Variants in ADAM10 observed in about 807,000 individuals in gnomAD.
The protein encoded by ADAM10 is ADAM metallopeptidase domain 10.
Under a neutral mutation model 90.1 loss-of-function variants are expected in ADAM10, and 17 were observed. The observed-to-expected ratio is 0.19, with a 90% CI of 0.13 to 0.28. ADAM10 has a LOEUF of 0.28. Ranked by LOEUF, ADAM10 falls within the 10% of genes least tolerant of loss-of-function variation. ADAM10 has a pLI of 1.00. For synonymous variants in ADAM10, 310 were observed against 298.6 expected (o/e 1.04, Z -0.40); for missense variants, 610 against 914.3 (o/e 0.67, Z 4.29).
chr15:58,747,666 A>G (rs1200379479), intron 1 of ADAM10: 1 of 152,220 alleles, frequency 6.6e-6, no homozygotes, highest in Non-Finnish European at 1.5e-5. Context: ...ATGTTTTTTG[A>G]AAAAGTTCTG....
chr15:58,671,098 G>A (rs1285430891), intron 4 of ADAM10, among the ~76,000 whole-genome samples: 1 of 152,004 alleles, frequency 6.6e-6, no homozygotes, highest in African/African-American at 2.4e-5. Context: ...TCCCTACCAT[G>A]TACCAAGACC....
At chr15:58,698,420 A>AG in intron 2 of ADAM10, 1 of 337,658 alleles carries the variant, frequency 3.0e-6, no homozygotes, top group Non-Finnish European at 5.6e-6. Context: ...AAAAAAAAAA[A>AG]AAAAAATTAG....
chr15:58,622,890 A>C (rs1380180396), intron 10 of ADAM10, among the ~76,000 whole-genome samples: 2 of 152,236 alleles, frequency 1.3e-5, no homozygotes, highest in Admixed American at 6.5e-5. Flanking sequence ...ACTAACTTCC[A>C]AGGAGTCTGT....
At chr15:58,746,449 G>A (rs1326595072) in intron 1 of ADAM10, among the ~76,000 whole-genome samples, 1 of 152,180 alleles carries the variant, frequency 6.6e-6, no homozygotes, top group African/African-American at 2.4e-5. Flanking sequence ...CATTAATGTA[G>A]GCAATGGTAC....
At chr15:58,635,294 G>GA (rs1427176623) in intron 8 of ADAM10, among the ~76,000 whole-genome samples, 3 of 103,720 alleles carry the variant, frequency 2.9e-5, no homozygotes, top group African/African-American at 1.1e-4. Context: ...AAAAAAAAAA[G>GA]AAAGAAAGAA....
intron 14 of ADAM10, among the ~76,000 whole-genome samples, chr15:58,601,052 C>A (rs8027274): frequency 0.036 from 5,551 of 152,130 alleles, 120 homozygotes; most frequent in African/African-American, 0.066. Context: ...ATATCCCAAG[C>A]CACTTTTTCT....
At chr15:58,674,800 G>A (rs1320570937) in intron 4 of ADAM10, among the ~76,000 whole-genome samples, 1 of 152,150 alleles carries the variant, frequency 6.6e-6, no homozygotes, top group Non-Finnish European at 1.5e-5. Context: ...ACAAGAAATA[G>A]GAGGTCTTCC....
chr15:58,593,149 A>ATATTTTTTTTTTTT lies in ADAM10; in HGVS notation c.*4397_*4398insAAAAAAAAAAAATA, dbSNP rs1566960154. ...AAAGTAACAAAGGCCAGGTACTCAA[A>ATATTTTTTTTTTTT]TTTTTTTTTTTTTTTTTTTTTTTTT... On this transcript the variant is annotated 3_prime_UTR_variant, in exon 16 of 16. Transcript: ENST00000260408. 2.9e-5 allele frequency: 2 copies of ATATTTTTTTTTTTT among 68,402 alleles called. No individual in the cohort carries two copies. Among genetic ancestry groups the ATATTTTTTTTTTTT allele is most frequent in the Admixed American group, 2.1e-4 (1 of 4,714 alleles). The allele number at this position is 68,402 out of a possible 1,614,324, so 4.2% of individuals were successfully genotyped here. A position where few individuals can be genotyped will look rare whatever the true frequency, so the allele number is the denominator to read the frequency against.
chr15:58,734,800 G>A (rs1032066468), intron 1 of ADAM10, among the ~76,000 whole-genome samples: 1 of 151,770 alleles, frequency 6.6e-6, no homozygotes, highest in Non-Finnish European at 1.5e-5. Flanking sequence ...CTCTAAGATG[G>A]GGAAAACAAG....
At chr15:58,726,875 C>CGAAGGGGAGGGGAGA (rs1899048255) in intron 1 of ADAM10, among the ~76,000 whole-genome samples, 1 of 134,680 alleles carries the variant, frequency 7.4e-6, no homozygotes, top group Non-Finnish European at 1.6e-5. Context: ...TCTCCATCTC[C>CGAAGGGGAGGGGAGA]GAAGGGGAGG....
At chr15:58,731,074 C>T (rs1240746056) in intron 1 of ADAM10, among the ~76,000 whole-genome samples, 1 of 152,136 alleles carries the variant, frequency 6.6e-6, no homozygotes, top group Non-Finnish European at 1.5e-5. Context: ...TCTATCTGTA[C>T]ATATGTATAT....
At chr15:58,614,016 C>G (rs576173788) in intron 11 of ADAM10, among the ~76,000 whole-genome samples, 8 of 152,180 alleles carry the variant, frequency 5.3e-5, no homozygotes, top group African/African-American at 1.9e-4. Flanking sequence ...CACAGAAAAC[C>G]TTTGTTTTGG....
intron 8 of ADAM10, among the ~76,000 whole-genome samples, chr15:58,639,060 C>A (rs1896347801): frequency 6.6e-6 from 1 of 151,000 alleles, no homozygotes; most frequent in South Asian, 2.2e-4. Context: ...TAGTCTGTAA[C>A]TGAAAATGCA....
At chr15:58,692,415 ATTC>A in intron 2 of ADAM10, 1 of 563,702 alleles carries the variant, frequency 1.8e-6, no homozygotes, top group Non-Finnish European at 3.6e-6. Flanking sequence ...TCTTCTTATT[ATTC>A]TTATCAGTGT....
chr15:58,689,978 T>C (rs1379749479), intron 2 of ADAM10, among the ~76,000 whole-genome samples: 1 of 138,662 alleles, frequency 7.2e-6, no homozygotes, highest in Non-Finnish European at 1.5e-5. Flanking sequence ...AGACTGATAT[T>C]CCTTATGAAC....
intron 5 of ADAM10, among the ~76,000 whole-genome samples, chr15:58,663,681 T>C (rs1897018636): frequency 6.6e-6 from 1 of 152,120 alleles, no homozygotes; most frequent in African/African-American, 2.4e-5. Flanking sequence ...TATTTCCCAT[T>C]AATATGGTAT....
Position 58,633,226 on chromosome 15 carries a change from A to G in ADAM10, c.1146T>C (p.Ala382=), listed in dbSNP as rs1305952317. The G allele has an allele frequency of 6.2e-7, 1 of 1,613,526 alleles. No individual in the cohort carries two copies. The highest frequency in any genetic ancestry group is 8.5e-7 in the Non-Finnish European group (1 of 1,179,644). ...ATCCAAAGTTATGTCCAACTTCGTG[A>G]GCAAAAGTAATGTGAGAGACTTTGG... is the stretch of plus-strand genomic sequence containing the variant. ...VPPKVSHITF[A]HEVGHNFGSP... is the part of the protein sequence containing the mutation. The change falls in exon 9 of 16, where the codon GCT becomes GCC. Residue 382 remains alanine (A), a synonymous_variant. Coordinates refer to ENST00000260408, the MANE Select transcript of ADAM10 (RefSeq NM_001110.4).
intron 1 of ADAM10, among the ~76,000 whole-genome samples, chr15:58,727,188 TTTTTTTTTTTTTTTTTTC>T: frequency 8.2e-6 from 1 of 121,924 alleles, no homozygotes; most frequent in East Asian, 3.0e-4. Flanking sequence ...TTTTTTTTTT[TTTTTTTTTTTTTTTTTTC>T]CCAAAAACAG....
At chr15:58,599,880 C>T (rs1191421299) in intron 14 of ADAM10, among the ~76,000 whole-genome samples, 156 bp from the exon 15 acceptor site, 1 of 151,622 alleles carries the variant, frequency 6.6e-6, no homozygotes, top group African/African-American at 2.4e-5. Flanking sequence ...GATATTTGCA[C>T]ATATATATTA....
Sources: allele counts gnomAD v4.1 joint callset (sites outside exome capture counted in the v4.1 genomes callset), GRCh38; gene constraint gnomAD v4.1.1; transcripts MANE v1.5; gene names NCBI Gene and HGNC (gene_info 2026-07-23, HGNC 2026-07-21).